Variants in TPTE2 observed in about 807,000 individuals in gnomAD.
TPTE2 encodes the protein transmembrane phosphoinositide 3-phosphatase and tensin homolog 2, also known as phosphatidylinositol 3,4,5-trisphosphate 3-phosphatase TPTE2.
A neutral mutation model predicts 78.6 loss-of-function variants in TPTE2; 53 were observed. The ratio of observed to expected loss-of-function variants is 0.67; its 90% CI spans 0.54 to 0.85. The LOEUF (loss-of-function observed/expected upper bound fraction) is 0.85. Among genes scored for constraint, TPTE2 ranks in the 40% least tolerant of loss-of-function variants. The pLI is 0.00. For missense variants in TPTE2, 461 were observed against 623.0 expected (o/e 0.74, Z 2.77); for synonymous variants, 175 against 206.2 (o/e 0.85, Z 1.30).
In TPTE2 at chr13:19,529,773, C is replaced by T. The variant is rs370784651; in HGVS notation, c.-44+6823G>A. Among the ~76,000 whole-genome samples, 74 of 152,262 alleles carry T rather than the reference C, an allele frequency of 4.9e-4. 2 individuals carry two copies. The East Asian group carries it at 0.011, about 23-fold the overall frequency. ...CTAAAAGAACAATTCTCCTTATGCC[C>T]TTTGTGATCCTGGAAACATTACTTC... On this transcript the variant is annotated intron_variant, in intron 1 of 17. Transcript: ENST00000390680.
intron 5 of TPTE2, among the ~76,000 whole-genome samples, chr13:19,475,065 A>G (rs1160430856): frequency 1.3e-5 from 2 of 152,160 alleles, no homozygotes; most frequent in Non-Finnish European, 1.5e-5. Context: ...GCTTAAACCA[A>G]AATTCCATGA....
At position 19,464,536 on chromosome 13, in the gene TPTE2, A is replaced by G. The variant is rs749521463; in HGVS notation, c.677-16T>C. On this transcript the variant is annotated splice_polypyrimidine_tract_variant and intron_variant, in intron 9 of 19. Coordinates refer to ENST00000400230, the Ensembl canonical transcript of TPTE2. ...ATAATACGTTCTGAAAGTCAAAATC[A>G]TCACTATTACAAACATTATTATAGA... is the stretch of plus-strand genomic sequence containing the variant. The G allele has an allele frequency of 7.4e-6, 12 of 1,611,250 alleles. No individual in the cohort carries two copies. The highest frequency in any genetic ancestry group is 1.0e-5 in the Non-Finnish European group (12 of 1,178,096).
At chr13:19,485,389 T>G (rs1453867509) in intron 3 of TPTE2, among the ~76,000 whole-genome samples, 2 of 152,142 alleles carry the variant, frequency 1.3e-5, no homozygotes, top group Non-Finnish European at 2.9e-5. Context: ...CCCATTCTCT[T>G]CTAGCCTAAG....
chr13:19,489,210 G>A (rs984454428), intron 3 of TPTE2, among the ~76,000 whole-genome samples: 14 of 152,076 alleles, frequency 9.2e-5, no homozygotes, highest in Non-Finnish European at 2.1e-4. Context: ...TAACAGATAT[G>A]ATAATAAAAA....
intron 1 of TPTE2, among the ~76,000 whole-genome samples, chr13:19,530,696 C>G (rs377475679): frequency 2.0e-5 from 3 of 152,080 alleles, no homozygotes; most frequent in African/African-American, 7.2e-5. Flanking sequence ...AGGCGCACAC[C>G]ATTTGTTTTT....
chr13:19,558,106 C>T, the TPTE2 span, among the ~76,000 whole-genome samples: 4 of 152,088 alleles, frequency 2.6e-5, no homozygotes, highest in Non-Finnish European at 4.4e-5. Flanking sequence ...GTCTAGACTG[C>T]TAATTGAAGA....
intron 10 of TPTE2, among the ~76,000 whole-genome samples, chr13:19,456,407 C>T (rs1878537642): frequency 6.6e-6 from 1 of 151,582 alleles, no homozygotes; most frequent in Admixed American, 6.6e-5. Context: ...AATGCTTGAG[C>T]CCAGGTGCCA....
chr13:19,505,126 A>C (rs1410804517), upstream of TPTE2, among the ~76,000 whole-genome samples: 2 of 152,080 alleles, frequency 1.3e-5, no homozygotes, highest in African/African-American at 4.8e-5. Flanking sequence ...ATTCATGTGT[A>C]TATCACTAAT....
chr13:19,493,609 T>G (rs764251565), intron 1 of TPTE2, 108 bp from the exon 5 acceptor site: 1 of 958,966 alleles, frequency 1.0e-6, no homozygotes, highest in Non-Finnish European at 1.7e-6. Context: ...AATTTCTGAC[T>G]ATTCATGTAT....
intron 3 of TPTE2, among the ~76,000 whole-genome samples, chr13:19,487,859 C>T (rs2079547091): frequency 6.6e-6 from 1 of 152,188 alleles, no homozygotes; most frequent in South Asian, 2.1e-4. Context: ...CCAGGACATG[C>T]AGCTTTGTCA....
chr13:19,544,097 G>GAAATGAGAAGTAGAGA, the TPTE2 span, among the ~76,000 whole-genome samples: 1 of 82,268 alleles, frequency 1.2e-5, no homozygotes, highest in East Asian at 4.7e-4. Flanking sequence ...AGAAAAGAGA[G>GAAATGAGAAGTAGAGA]AAATGAGAAG....
At chr13:19,513,785 T>A (rs1181456428) in intron 1 of TPTE2, among the ~76,000 whole-genome samples, 1 of 152,184 alleles carries the variant, frequency 6.6e-6, no homozygotes, top group Admixed American at 6.5e-5. Flanking sequence ...CTGAACCAGA[T>A]CATGTGTGGC....
chr13:19,519,591 T>A (rs1335912052), intron 1 of TPTE2, among the ~76,000 whole-genome samples: 1 of 152,308 alleles, frequency 6.6e-6, no homozygotes, highest in East Asian at 1.9e-4. Flanking sequence ...TGACCTTAAA[T>A]GTACGGACTT....
intron 3 of TPTE2, among the ~76,000 whole-genome samples, chr13:19,489,518 T>C (rs1880862731): frequency 6.6e-6 from 1 of 150,522 alleles, no homozygotes; most frequent in African/African-American, 2.4e-5. Flanking sequence ...TATTAGAGGA[T>C]ATATATATGA....
chr13:19,517,863 G>A (rs1441986939), intron 1 of TPTE2, among the ~76,000 whole-genome samples: 1 of 152,134 alleles, frequency 6.6e-6, no homozygotes, highest in Non-Finnish European at 1.5e-5. Context: ...GCATGGGGTG[G>A]GGGAGAATGT....
intron 17 of TPTE2, among the ~76,000 whole-genome samples, chr13:19,429,242 G>A (rs374504523): frequency 8.5e-4 from 130 of 152,312 alleles, no homozygotes; most frequent in African/African-American, 3.0e-3. Context: ...AGGGTAAGGA[G>A]ACCACTGCAG....
chr13:19,446,671 T>A (rs112444636), intron 13 of TPTE2, among the ~76,000 whole-genome samples: 12 of 152,338 alleles, frequency 7.9e-5, no homozygotes, highest in African/African-American at 2.9e-4. Context: ...CCGGGCATGA[T>A]GGCTCATGCC....
intron 14 of TPTE2, 141 bp downstream of exon 17, chr13:19,437,951 G>C (rs1157014728): frequency 5.7e-6 from 7 of 1,238,554 alleles, no homozygotes; most frequent in Admixed American, 5.4e-5. Context: ...ATCAAAAATA[G>C]ACTTTCTAAA....
At chr13:19,472,629 G>T (rs1879695318) in intron 6 of TPTE2, among the ~76,000 whole-genome samples, 1 of 152,106 alleles carries the variant, frequency 6.6e-6, no homozygotes, top group African/African-American at 2.4e-5. Context: ...TGTCTAAAAG[G>T]TCACATATAT....
Sources: gnomAD v4.1 joint callset for allele counts (sites outside exome capture counted in the v4.1 genomes callset) on GRCh38, gnomAD v4.1.1 for gene constraint, MANE v1.5 for transcripts, NCBI Gene and HGNC (gene_info 2026-07-23, HGNC 2026-07-21) for gene names.